Variants in CCDC91 observed in about 807,000 individuals in gnomAD.
CCDC91 encodes coiled-coil domain containing 91, also known as coiled-coil domain-containing protein 91.
CCDC91 carries 48 observed loss-of-function variants against 63.2 expected under a neutral mutation model. That is an observed-to-expected ratio of 0.76 (90% CI 0.60 to 0.97). The LOEUF (loss-of-function observed/expected upper bound fraction) is 0.97. Ranked by LOEUF, CCDC91 falls within the 50% of genes least tolerant of loss-of-function variation. The pLI, the probability that CCDC91 is intolerant of heterozygous loss-of-function variation, is 0.00. For missense variants in CCDC91, 500 were observed against 494.6 expected (o/e 1.01, Z -0.10); for synonymous variants, 167 against 165.8 (o/e 1.01, Z -0.06).
chr12:28,269,192 C>G (rs1947569103), intron 3 of CCDC91, among the ~76,000 whole-genome samples: 1 of 151,908 alleles, frequency 6.6e-6, no homozygotes, highest in Non-Finnish European at 1.5e-5. Context: ...TTTCCTCCCT[C>G]TTTTTAAAGG....
At chr12:28,486,257 T>G (rs1346081115) in intron 12 of CCDC91, among the ~76,000 whole-genome samples, 1 of 152,178 alleles carries the variant, frequency 6.6e-6, no homozygotes, top group Non-Finnish European at 1.5e-5. Context: ...ACTGGCTTAT[T>G]TCACTTAGCG....
chr12:28,469,543 AT>A (rs1477267777), intron 11 of CCDC91, among the ~76,000 whole-genome samples: 1 of 152,130 alleles, frequency 6.6e-6, no homozygotes, highest in African/African-American at 2.4e-5. Flanking sequence ...TATAATCTCT[AT>A]CAAAGTACAA....
At chr12:28,529,015 G>T (rs1320072369) in intron 12 of CCDC91, among the ~76,000 whole-genome samples, 1 of 151,826 alleles carries the variant, frequency 6.6e-6, no homozygotes, top group African/African-American at 2.4e-5. Flanking sequence ...CTATGTATAT[G>T]TATGTATGTA....
At chr12:28,283,792 CTGTGACCTGTCACATGGGATCAAG>C (rs1259791955) in intron 3 of CCDC91, among the ~76,000 whole-genome samples, 4 of 152,100 alleles carry the variant, frequency 2.6e-5, no homozygotes, top group Admixed American at 2.6e-4. Context: ...GAAATTTTGA[CTGTGACCTGTCACATGGGATCAAG>C]TGCAGAATTT....
chr12:28,196,469 G>A (rs4931733), intron 1 of CCDC91, among the ~76,000 whole-genome samples: 6,608 of 152,206 alleles, frequency 0.043, 208 homozygotes, highest in South Asian at 0.14. Context: ...CACTGGCTAG[G>A]ACCTTTGCTA....
intron 1 of CCDC91, among the ~76,000 whole-genome samples, chr12:28,250,955 T>A (rs765439260): frequency 4.7e-4 from 12 of 25,706 alleles, no homozygotes; most frequent in Admixed American, 2.5e-3. Context: ...AAGGTTTGAG[T>A]GTGTGTGTGT....
At position 28,548,674 on chromosome 12, in the gene CCDC91, G is replaced by C. The variant is rs529697569; in HGVS notation, c.1216-389G>C. Among the ~76,000 whole-genome samples, 45 of 152,188 alleles carry C rather than the reference G, an allele frequency of 3.0e-4. 1 individual carries two copies. The East Asian group carries it at 4.1e-3, about 14-fold the overall frequency. On this transcript the variant is annotated intron_variant, in intron 12 of 12. Transcript: ENST00000536442. ...TGTTCCACTAAACCCTGTGTATGAT[G>C]TGATTATGCTGTGTTTCTGTGCTAT...
chr12:28,476,668 A>G (rs1951112204), intron 11 of CCDC91, among the ~76,000 whole-genome samples: 1 of 152,150 alleles, frequency 6.6e-6, no homozygotes, highest in Non-Finnish European at 1.5e-5. Flanking sequence ...TCAAAAAATC[A>G]ATGCATCCAG....
At chr12:28,475,574 C>T (rs1322043477) in intron 11 of CCDC91, among the ~76,000 whole-genome samples, 4 of 152,082 alleles carry the variant, frequency 2.6e-5, no homozygotes, top group Admixed American at 6.6e-5. Flanking sequence ...TTTAAAATTA[C>T]GTGTGTTGCA....
At chr12:28,515,729 C>T (rs1175221779) in intron 12 of CCDC91, among the ~76,000 whole-genome samples, 2 of 151,836 alleles carry the variant, frequency 1.3e-5, no homozygotes, top group South Asian at 2.1e-4. Flanking sequence ...GCTGCATCTA[C>T]TCAGAAGCTT....
intron 6 of CCDC91, among the ~76,000 whole-genome samples, chr12:28,315,528 C>T (rs1352824814): frequency 2.6e-5 from 4 of 151,946 alleles, no homozygotes; most frequent in African/African-American, 7.2e-5. Context: ...TTGCTTTATA[C>T]AGTAGTTTTC....
At chr12:28,472,980 A>G (rs12809816) in intron 11 of CCDC91, among the ~76,000 whole-genome samples, 2 of 152,308 alleles carry the variant, frequency 1.3e-5, no homozygotes, top group Middle Eastern at 3.4e-3. Flanking sequence ...CAGGAAGTGT[A>G]TAAAGGAGCT....
At chr12:28,544,735 CTT>C (rs2141852028) in intron 12 of CCDC91, among the ~76,000 whole-genome samples, 1 of 152,122 alleles carries the variant, frequency 6.6e-6, no homozygotes, top group South Asian at 2.1e-4. Flanking sequence ...TTGTAATTGA[CTT>C]TGAATGTTGC....
intron 1 of CCDC91, chr12:28,236,396 A>G (rs1027811120): frequency 6.6e-6 from 1 of 151,452 alleles, no homozygotes; most frequent in Non-Finnish European, 1.5e-5. Flanking sequence ...TAAATTTAAT[A>G]TTATTGCTGT....
intron 11 of CCDC91, among the ~76,000 whole-genome samples, chr12:28,465,700 G>A (rs1026768607): frequency 1.3e-5 from 2 of 152,074 alleles, no homozygotes; most frequent in African/African-American, 4.8e-5. Context: ...CCAGAAGGAT[G>A]GATACAAAAA....
At chr12:28,330,602 A>G (rs1941421834) in intron 6 of CCDC91, among the ~76,000 whole-genome samples, 1 of 152,046 alleles carries the variant, frequency 6.6e-6, no homozygotes, top group Non-Finnish European at 1.5e-5. Flanking sequence ...TGCCGTGCAG[A>G]AGCTCTTTAG....
rs117983949 is a variant in CCDC91 at position 28,250,643 on chromosome 12, G to A, written c.-14-6559G>A. ...GTAATTTTCTTGGAAAAGTAAGAGG[G>A]AAAAGGAAGTCATGTGGGAACTATT... On this transcript the variant is annotated intron_variant, in intron 1 of 12. Transcript: ENST00000536442. Among the ~76,000 whole-genome samples, 159 of 152,152 alleles carry A rather than the reference G, an allele frequency of 1.0e-3. 1 individual carries two copies. In the East Asian group the frequency reaches 0.027, roughly 26 times the overall value.
At chr12:28,426,651 T>C (rs1332756960) in intron 8 of CCDC91, among the ~76,000 whole-genome samples, 1 of 152,174 alleles carries the variant, frequency 6.6e-6, no homozygotes, top group Non-Finnish European at 1.5e-5. Context: ...ATTTCTAGCA[T>C]TTTCCTTTGA....
intron 1 of CCDC91, among the ~76,000 whole-genome samples, chr12:28,201,172 G>A (rs71591827): frequency 6.6e-6 from 1 of 150,620 alleles, no homozygotes; most frequent in East Asian, 2.0e-4. Flanking sequence ...GCTGGGCGGA[G>A]ACGCTCCTCA....
Sources: allele counts gnomAD v4.1 joint callset (sites outside exome capture counted in the v4.1 genomes callset), GRCh38; gene constraint gnomAD v4.1.1; transcripts MANE v1.5; gene names NCBI Gene and HGNC (gene_info 2026-07-23, HGNC 2026-07-21).